LYST: variants seen among roughly 807,000 people sequenced by gnomAD.
LYST encodes the protein lysosomal trafficking regulator, also known as lysosomal-trafficking regulator.
Under a neutral mutation model 413.6 loss-of-function variants are expected in LYST, and 192 were observed. That is an observed-to-expected ratio of 0.46 (90% CI 0.41 to 0.52). LYST has a LOEUF of 0.52. LYST is among the 20% of genes least tolerant of loss of function. The probability of loss-of-function intolerance (pLI) is 0.00; values close to 1 mark genes in which losing one functional copy is unlikely to be tolerated. For missense variants in LYST, 3,815 were observed against 4,499.9 expected (o/e 0.85, Z 4.35); for synonymous variants, 1,525 against 1,567.3 (o/e 0.97, Z 0.64).
chr1:235,713,036 G>A, intron 42 of LYST: 1 of 985,306 alleles, frequency 1.0e-6, no homozygotes, highest in South Asian at 4.7e-5. Context: ...TTTTCATTTG[G>A]AGACTGCCAC....
rs1327466071 is a variant in LYST at position 235,808,681 on chromosome 1, T to C, written c.2137A>G (p.Asn713Asp). Residue 713 changes from asparagine to aspartate, a missense_variant, in exon 5 of 53, where the codon AAT (asparagine) becomes GAT (aspartate). Around this residue, in one of 4 missense-constraint regions of LYST, gnomAD observed 1,648 missense variants for 1,810.3 expected, o/e 0.91. Coordinates refer to ENST00000389793, the MANE Select transcript of LYST (RefSeq NM_000081.4). ...EDRLHSIQIA[N>D]HICNLIQKGN... Reference sequence around the variant, plus strand: ...TTCTGGATTAAATTGCAAATGTGATTTGCAATCTGTATACTATGTAATCTG... The same window carrying C: ...TTCTGGATTAAATTGCAAATGTGATCTGCAATCTGTATACTATGTAATCTG... 1 of 1,613,746 alleles carries C rather than the reference T, an allele frequency of 6.2e-7. No individual in the cohort carries two copies. The highest frequency in any genetic ancestry group is 2.2e-5 in the East Asian group (1 of 44,866).
In LYST at chr1:235,808,762, A is replaced by C; in HGVS notation, c.2056T>G (p.Leu686Val). The change falls in exon 5 of 53, where the codon TTG becomes GTG. Residue 686 changes from leucine to valine, a missense_variant. By Grantham distance (32) the Leu-to-Val change is conservative. This residue lies in a region of LYST where 1,648 missense variants were observed against 1,810.3 expected (regional missense o/e 0.91). Transcript: ENST00000389793. The stretch of plus-strand genomic sequence containing the variant: ...TTTAAAGCATCCCATTTCCACAACA[A>C]ATCTTCAGATCCACTGCTGGGCAGG... ...GILPSSGSED[L>V]LWKWDALKAY... The C allele has an allele frequency of 1.2e-6, 2 of 1,613,978 alleles. No homozygotes were observed. The highest frequency in any genetic ancestry group is 2.2e-5 in the South Asian group (2 of 91,090).
intron 28 of LYST, among the ~76,000 whole-genome samples, chr1:235,747,728 T>C (rs1440521031): frequency 1.3e-5 from 2 of 152,182 alleles, no homozygotes; most frequent in African/African-American, 2.4e-5. Context: ...AAGTCTTCTT[T>C]AGTACTAGGT....
intron 50 of LYST, among the ~76,000 whole-genome samples, chr1:235,671,419 T>G (rs1364979475): frequency 6.6e-6 from 1 of 152,246 alleles, no homozygotes; most frequent in Non-Finnish European, 1.5e-5. Flanking sequence ...CTTCATTCTG[T>G]TAACATGATA....
In LYST at chr1:235,792,001, T is replaced by C; in HGVS notation, c.4241A>G (p.Tyr1414Cys). 1 of 1,614,130 alleles carries C rather than the reference T, an allele frequency of 6.2e-7. No individual in the cohort carries two copies. Among genetic ancestry groups the C allele is most frequent in the Non-Finnish European group, 8.5e-7 (1 of 1,179,990 alleles). ...GGCCTTACTGTTTAAAATCCCAGGA[T>C]ACTTTTGTGATGAAACACCGTTGCT... ...NLSNGVSSQK[Y>C]PGILNSKAMG... is the part of the protein sequence containing the mutation. Residue 1414 changes from tyrosine to cysteine, a missense_variant, in exon 12 of 53, where the codon TAT becomes TGT. Tyr to Cys is a radical substitution (Grantham distance 194). This residue lies in a region of LYST where 1,648 missense variants were observed against 1,810.3 expected (regional missense o/e 0.91). Transcript: ENST00000389793.
chr1:235,831,348 T>C (rs1160264135), intron 2 of LYST, among the ~76,000 whole-genome samples: 1 of 152,162 alleles, frequency 6.6e-6, no homozygotes, highest in Non-Finnish European at 1.5e-5. Context: ...CATCACAAGA[T>C]GTGACTCGTA....
rs1379312122 is a variant in LYST at position 235,677,471 on chromosome 1, C to T, written c.10940+9G>A. The T allele has an allele frequency of 6.2e-7, 1 of 1,613,452 alleles. No individual in the cohort carries two copies. The highest frequency in any genetic ancestry group is 8.5e-7 in the Non-Finnish European group (1 of 1,179,550). ...ATGCTATGTTTGATTTGGAGACCTT[C>T]TTCTGTACCTGTTTAAATCCCATAT... is the stretch of plus-strand genomic sequence containing the variant. On this transcript the variant is annotated intron_variant, in intron 49 of 52. Coordinates refer to ENST00000389793, the MANE Select transcript of LYST (RefSeq NM_000081.4).
At chr1:235,786,599 T>A (rs914714338) in intron 14 of LYST, among the ~76,000 whole-genome samples, 1 of 152,084 alleles carries the variant, frequency 6.6e-6, no homozygotes, top group African/African-American at 2.4e-5. Context: ...CACATGCACA[T>A]GTATGTTTAT....
rs778790750 is a variant in LYST, at chr1:235,803,043, ATTC to A, written c.3574_3576del (p.Glu1192del). 9.3e-6 allele frequency: 15 copies of A among 1,613,074 alleles called. No homozygotes were observed. The highest frequency in any genetic ancestry group is 1.3e-5 in the African/African-American group (1 of 75,040). ...GAAAAATCACCAGGCTGGGATGACA[ATTC>A]TTCTGCAGATTGATGACTCTATAAA... is the stretch of plus-strand genomic sequence containing the variant. On this transcript the variant is annotated inframe_deletion, in exon 8 of 53. Coordinates refer to ENST00000389793, the MANE Select transcript of LYST (RefSeq NM_000081.4).
chr1:235,812,043 C>T (rs1572344773), intron 4 of LYST, among the ~76,000 whole-genome samples: 1 of 151,828 alleles, frequency 6.6e-6, no homozygotes, highest in Non-Finnish European at 1.5e-5. Context: ...AAACATCTCA[C>T]AAACATGTCA....
At chr1:235,736,977 T>C (rs564394467) in intron 31 of LYST, 1 of 152,080 alleles carries the variant, frequency 6.6e-6, no homozygotes, top group African/African-American at 2.4e-5. Context: ...TTTCACATGA[T>C]TAAAAACAAA....
intron 44 of LYST, among the ~76,000 whole-genome samples, chr1:235,706,499 T>TG (rs2103111392): frequency 6.6e-6 from 1 of 152,292 alleles, no homozygotes; most frequent in South Asian, 2.1e-4. Flanking sequence ...TTTAACTACT[T>TG]GGGGTCTTAT....
intron 41 of LYST, among the ~76,000 whole-genome samples, chr1:235,716,088 C>T (rs1020312262): frequency 2.0e-5 from 3 of 152,144 alleles, no homozygotes; most frequent in Non-Finnish European, 4.4e-5. Flanking sequence ...TAGTGACAGT[C>T]ATAAGATGCT....
In LYST at chr1:235,759,284, A is replaced by G. The variant is rs1417178320; in HGVS notation, c.6569T>C (p.Val2190Ala). The change falls in exon 23 of 53, where the codon GTC becomes GCC. Residue 2190 changes from valine to alanine, a missense_variant. Val to Ala is a moderately conservative substitution (Grantham distance 64). This residue lies in a region of LYST where 771 missense variants were observed against 837.1 expected (regional missense o/e 0.92). Transcript: ENST00000389793. ...VLSAQVSVSD[V>A]PKGVLGFPVV... The stretch of plus-strand genomic sequence containing the variant: ...TGGAAATCCCAGCACTCCCTTTGGG[A>G]CATCACTGACAGAGACCTGGGCTGA... The G allele has an allele frequency of 6.2e-7, 1 of 1,614,128 alleles. No homozygotes were observed.
intron 1 of LYST, among the ~76,000 whole-genome samples, chr1:235,840,812 T>C (rs1358143198): frequency 6.6e-6 from 1 of 152,200 alleles, no homozygotes; most frequent in Non-Finnish European, 1.5e-5. Flanking sequence ...ATGGTAAGGA[T>C]ATTTTTTTCT....
chr1:235,858,887 C>CT (rs1406804315), intron 1 of LYST, among the ~76,000 whole-genome samples: 1 of 152,158 alleles, frequency 6.6e-6, no homozygotes, highest in Non-Finnish European at 1.5e-5. Flanking sequence ...AGCAGGCAGG[C>CT]TGCTGGAGAA....
At chr1:235,876,947 C>T (rs1171232700) in intron 1 of LYST, among the ~76,000 whole-genome samples, 2 of 152,150 alleles carry the variant, frequency 1.3e-5, no homozygotes, top group Admixed American at 6.5e-5. Context: ...TTCCCAGGTA[C>T]AAAAGCTTAT....
In LYST at chr1:235,687,026, G is replaced by A. The variant is rs376474918; in HGVS notation, c.10723C>T (p.Pro3575Ser). The A allele has an allele frequency of 3.1e-6, 5 of 1,613,300 alleles. No homozygotes were observed. The African/African-American group carries it at 4.0e-5, about 13-fold the overall frequency. Reference sequence around the variant, plus strand: ...CCAGTAAACAGCTGGCAACTGTCAGGCACCCAAGCACAACTAGTCACCTTT... The same window carrying A: ...CCAGTAAACAGCTGGCAACTGTCAGACACCCAAGCACAACTAGTCACCTTT... ...QYQVTSCAWV[P>S]DSCQLFTGSK... Residue 3575 changes from proline to serine, a missense_variant, in exon 48 of 53, where the codon CCT becomes TCT. Pro to Ser is a moderately conservative substitution (Grantham distance 74). This residue lies in a region of LYST where 866 missense variants were observed against 1,156.0 expected (regional missense o/e 0.75). Coordinates refer to ENST00000389793, the MANE Select transcript of LYST (RefSeq NM_000081.4).
chr1:235,699,439 A>G (rs1180954015), intron 45 of LYST, among the ~76,000 whole-genome samples: 1 of 152,152 alleles, frequency 6.6e-6, no homozygotes, highest in Non-Finnish European at 1.5e-5. Flanking sequence ...ACGGCTGCAT[A>G]GTATTTCATG....
Sources: allele counts gnomAD v4.1 joint callset (sites outside exome capture counted in the v4.1 genomes callset), GRCh38; gene constraint gnomAD v4.1.1; regional missense constraint gnomAD v4.1.1; transcripts MANE v1.5; gene names NCBI Gene and HGNC (gene_info 2026-07-23, HGNC 2026-07-21).